Variants in MYLK observed in about 807,000 individuals in gnomAD.
The protein encoded by MYLK is myosin light chain kinase, smooth muscle.
In MYLK, 106 loss-of-function variants were observed where a neutral mutation model predicts 203.4. That is an observed-to-expected ratio of 0.52 (90% confidence interval 0.45 to 0.61). MYLK has a LOEUF of 0.61. Ranked by LOEUF, MYLK falls within the 20% of genes least tolerant of loss-of-function variation. MYLK has a pLI of 0.00. For synonymous variants in MYLK, 867 were observed against 959.5 expected (o/e 0.90, Z 1.78); for missense variants, 2,072 against 2,442.3 (o/e 0.85, Z 3.20).
chr3:123,632,431 G>A (rs964750231), intron 29 of MYLK, among the ~76,000 whole-genome samples: 2 of 152,198 alleles, frequency 1.3e-5, no homozygotes, highest in African/African-American at 4.8e-5. Flanking sequence ...TTCCCCTTCT[G>A]CAAACCTCCC....
chr3:123,801,224 T>C (rs2065183942), intron 3 of MYLK, among the ~76,000 whole-genome samples: 1 of 152,196 alleles, frequency 6.6e-6, no homozygotes, highest in Non-Finnish European at 1.5e-5. Context: ...TGATGTTTTC[T>C]TACAAAAATA....
At chr3:123,638,277 G>C in intron 28 of MYLK, 83 bp from the exon 29 acceptor site, 2 of 1,593,812 alleles carry the variant, frequency 1.3e-6, no homozygotes, top group Non-Finnish European at 1.7e-6. Flanking sequence ...TCTGTGTGTT[G>C]ACCCCAACCT....
intron 23 of MYLK, among the ~76,000 whole-genome samples, chr3:123,663,600 T>C (rs145297093): frequency 7.9e-4 from 119 of 151,136 alleles, no homozygotes; most frequent in African/African-American, 2.6e-3. Flanking sequence ...GAGGAAGAGG[T>C]TGAAGAGAGA....
intron 30 of MYLK, among the ~76,000 whole-genome samples, chr3:123,628,049 G>A (rs951022417): frequency 2.0e-5 from 3 of 152,170 alleles, no homozygotes; most frequent in Non-Finnish European, 4.4e-5. Context: ...AGGCACCTTG[G>A]GTGTGGGGGT....
At position 123,669,609 on chromosome 3, in the gene MYLK, G is replaced by A. The variant is rs143656053; in HGVS notation, c.3653-2422C>T. Among the ~76,000 whole-genome samples the A allele has an allele frequency of 6.0e-4, 92 of 152,160 alleles. 1 individual carries two copies. Among genetic ancestry groups the A allele is most frequent in the Non-Finnish European group, 1.1e-3 (76 of 68,006 alleles). On this transcript the variant is annotated intron_variant, in intron 20 of 33. Transcript: ENST00000360304. ...ACACACTGAAGTATTTAGGTGTAGA[G>A]GGTATCCTGTGTGCAACTTTCAAAC...
intron 3 of MYLK, among the ~76,000 whole-genome samples, chr3:123,802,695 CT>C (rs1215167386): frequency 6.6e-6 from 1 of 152,196 alleles, no homozygotes; most frequent in East Asian, 1.9e-4. Context: ...TGTTTTCTTC[CT>C]GCTGGAATTC....
At position 123,733,667 on chromosome 3, in the gene MYLK, C is replaced by A; in HGVS notation, c.1309+20G>T. ...GGGGCTACATTTTGGCAATCGGTGA[C>A]CCTAATTACCTCTACTCACCTTCAC... is the stretch of plus-strand genomic sequence containing the variant. On this transcript the variant is annotated intron_variant, in intron 10 of 33. Coordinates refer to ENST00000360304, the MANE Select transcript of MYLK (RefSeq NM_053025.4). 6.2e-7 allele frequency: 1 copy of A among 1,613,296 alleles called. No individual in the cohort carries two copies. The highest frequency in any genetic ancestry group is 8.5e-7 in the Non-Finnish European group (1 of 1,180,008).
chr3:123,814,650 T>A (rs1337694982), intron 3 of MYLK, among the ~76,000 whole-genome samples: 1 of 152,228 alleles, frequency 6.6e-6, no homozygotes, highest in Non-Finnish European at 1.5e-5. Flanking sequence ...ACACTCTTCA[T>A]AAATCTTATT....
intron 4 of MYLK, among the ~76,000 whole-genome samples, chr3:123,753,385 A>G (rs984344768): frequency 6.6e-6 from 1 of 151,988 alleles, no homozygotes; most frequent in African/African-American, 2.4e-5. Flanking sequence ...GCTCTAGACC[A>G]CTTGCCTTTC....
At chr3:123,744,857 C>T (rs1004249831) in intron 5 of MYLK, among the ~76,000 whole-genome samples, 8 of 152,054 alleles carry the variant, frequency 5.3e-5, no homozygotes, top group Admixed American at 2.6e-4. Context: ...CAATAAGATG[C>T]CTACATTTTA....
chr3:123,883,579 C>T (rs1475478980), intron 1 of MYLK, among the ~76,000 whole-genome samples: 1 of 152,190 alleles, frequency 6.6e-6, no homozygotes, highest in Non-Finnish European at 1.5e-5. Context: ...CTACCTCAAC[C>T]ATTGACAACT....
At position 123,883,998 on chromosome 3, in the gene MYLK, T is replaced by A. The variant is rs548802163; in HGVS notation, c.-186+208A>T. Among the ~76,000 whole-genome samples the A allele has an allele frequency of 3.9e-5, 6 of 152,024 alleles. No homozygotes were observed. The South Asian group carries it at 1.2e-3, about 32-fold the overall frequency. On this transcript the variant is annotated intron_variant, in intron 1 of 33. Transcript: ENST00000360304. ...CATCAGTGTCCCCAAGCACTTCATC[T>A]CCCCAAAAGAAAACTCGTGCAGCCT...
At chr3:123,834,980 C>T (rs1041543109) in intron 2 of MYLK, among the ~76,000 whole-genome samples, 1 of 152,170 alleles carries the variant, frequency 6.6e-6, no homozygotes, top group Non-Finnish European at 1.5e-5. Context: ...GGCAATGGTG[C>T]ACTATAAGCA....
At chr3:123,763,106 T>C (rs1397998418) in intron 4 of MYLK, among the ~76,000 whole-genome samples, 1 of 152,234 alleles carries the variant, frequency 6.6e-6, no homozygotes, top group Non-Finnish European at 1.5e-5. Context: ...CTCACTGCCA[T>C]GCCACATAGT....
intron 5 of MYLK, among the ~76,000 whole-genome samples, chr3:123,742,937 T>C (rs1351848737): frequency 1.3e-5 from 2 of 152,002 alleles, no homozygotes; most frequent in Non-Finnish European, 2.9e-5. Flanking sequence ...TAGAGAAAGA[T>C]GGTGGTTAGT....
chr3:123,672,266 G>A (rs982829337), intron 20 of MYLK, among the ~76,000 whole-genome samples: 1 of 151,752 alleles, frequency 6.6e-6, no homozygotes, highest in African/African-American at 2.4e-5. Context: ...GAAGGGAGAA[G>A]GAGGGAGGAG....
At chr3:123,840,559 T>C (rs565973730) in intron 2 of MYLK, among the ~76,000 whole-genome samples, 2 of 151,656 alleles carry the variant, frequency 1.3e-5, no homozygotes, top group Admixed American at 6.6e-5. Flanking sequence ...AAAGAAATTT[T>C]ATGAGAGCAA....
At chr3:123,851,351 T>A (rs1217384310) in intron 2 of MYLK, among the ~76,000 whole-genome samples, 2 of 152,174 alleles carry the variant, frequency 1.3e-5, no homozygotes, top group African/African-American at 2.4e-5. Flanking sequence ...GCCAGTTTCA[T>A]GATATTGATT....
In MYLK at chr3:123,810,193, C is replaced by A. The variant is rs374762655; in HGVS notation, c.-3-16349G>T. On this transcript the variant is annotated intron_variant, in intron 3 of 33. Coordinates refer to ENST00000360304, the MANE Select transcript of MYLK (RefSeq NM_053025.4). ...GAGGTTCAACTACCTCCTCCCAATA[C>A]AATGACATAAGTGCTGTAGGTGAAA... Among the ~76,000 whole-genome samples, 7 of 152,306 alleles carry A rather than the reference C, an allele frequency of 4.6e-5. No homozygotes were observed. The South Asian group carries it at 1.5e-3, about 32-fold the overall frequency.
Sources: allele counts gnomAD v4.1 joint callset (sites outside exome capture counted in the v4.1 genomes callset), GRCh38; gene constraint gnomAD v4.1.1; transcripts MANE v1.5; gene names NCBI Gene and HGNC (gene_info 2026-07-23, HGNC 2026-07-21).